The following GAS2L3 variants were observed in gnomAD, a reference collection of about 807,000 sequenced individuals.
GAS2L3 encodes the protein growth arrest specific 2 like 3, also known as GAS2-like protein 3.
A neutral mutation model predicts 37.0 loss-of-function variants in GAS2L3; 28 were observed. The ratio of observed to expected loss-of-function variants is 0.76; its 90% CI spans 0.56 to 1.04. The LOEUF is 1.04. GAS2L3 is among the 50% of genes least tolerant of loss of function. GAS2L3 has a pLI of 0.00. For synonymous variants in GAS2L3, 290 were observed against 296.6 expected (o/e 0.98, Z 0.23); for missense variants, 793 against 817.6 (o/e 0.97, Z 0.37).
At chr12:100,592,094 C>A (rs931175120) in intron 2 of GAS2L3, among the ~76,000 whole-genome samples, 2 of 151,986 alleles carry the variant, frequency 1.3e-5, no homozygotes, top group Non-Finnish European at 2.9e-5. Flanking sequence ...TATAATAACA[C>A]CTTTGTTCTT....
rs758286468 is a variant in GAS2L3 at position 100,624,269 on chromosome 12, C to T, written c.1464C>T (p.His488=). The T allele has an allele frequency of 8.1e-6, 13 of 1,614,054 alleles. No individual in the cohort carries two copies. Among genetic ancestry groups the T allele is most frequent in the South Asian group, 1.1e-5 (1 of 91,082 alleles). ...HISSRDNAVS[H]LAAHSNSSSK... The stretch of plus-strand genomic sequence containing the variant: ...CTTCCAGAGATAATGCAGTATCTCA[C>T]TTAGCTGCACATTCAAATTCATCCT... Residue 488 remains histidine (H), a synonymous_variant, in exon 10 of 10, where the codon CAC becomes CAT. Coordinates refer to ENST00000547754, the MANE Select transcript of GAS2L3 (RefSeq NM_174942.3).
chr12:100,607,616 A>ATCTTT (rs1565807621), intron 5 of GAS2L3, among the ~76,000 whole-genome samples: 1 of 151,302 alleles, frequency 6.6e-6, no homozygotes, highest in Non-Finnish European at 1.5e-5. Context: ...GTTGTTTTTT[A>ATCTTT]TCTTTTCTTT....
At chr12:100,616,553 A>T (rs11110438) in intron 6 of GAS2L3, among the ~76,000 whole-genome samples, 24,577 of 151,846 alleles carry the variant, frequency 0.16, 2,864 homozygotes, top group East Asian at 0.48. Context: ...CTCCTGCCTC[A>T]GCCTCTTGAG....
Position 100,612,316 on chromosome 12 carries a change from T to C in GAS2L3, c.445+175T>C, listed in dbSNP as rs567813471. The C allele has an allele frequency of 2.6e-5, 15 of 579,454 alleles. No individual in the cohort carries two copies. In the East Asian group the frequency reaches 4.3e-4, roughly 17 times the overall value. 35.9% of individuals were successfully genotyped at this position (579,454 alleles called of 1,614,324 possible). ...GGAGAATCAGATACTAAATCAAATA[T>C]ATTAACCTTTTCACTTAAAGATTTT... On this transcript the variant is annotated intron_variant, in intron 6 of 9. Transcript: ENST00000547754.
At chr12:100,606,763 T>C (rs1956062067) in intron 5 of GAS2L3, among the ~76,000 whole-genome samples, 1 of 152,132 alleles carries the variant, frequency 6.6e-6, no homozygotes, top group Non-Finnish European at 1.5e-5. Context: ...AGAAAACTAA[T>C]AAAAACTCTA....
chr12:100,621,154 C>G (rs961796151), intron 8 of GAS2L3, among the ~76,000 whole-genome samples: 1 of 152,040 alleles, frequency 6.6e-6, no homozygotes, highest in East Asian at 1.9e-4. Flanking sequence ...TTAGGCCTAT[C>G]TAAAGAGACT....
intron 6 of GAS2L3, 34 bp downstream of exon 6, chr12:100,612,175 G>C (rs775654902): frequency 3.2e-6 from 5 of 1,586,212 alleles, no homozygotes; most frequent in Non-Finnish European, 4.3e-6. Context: ...TGTTTTTAAT[G>C]CTTACTAGGA....
chr12:100,574,799 C>T (rs1188381333), intron 1 of GAS2L3, among the ~76,000 whole-genome samples: 1 of 152,168 alleles, frequency 6.6e-6, no homozygotes, highest in African/African-American at 2.4e-5. Flanking sequence ...GAAATTCTCA[C>T]CACCTCAGAT....
At chr12:100,601,880 C>T (rs1398551060) in intron 5 of GAS2L3, 127 bp downstream of exon 5, 6 of 460,916 alleles carry the variant, frequency 1.3e-5, no homozygotes, top group Non-Finnish European at 2.4e-5. Flanking sequence ...ATTTACTTAA[C>T]CCTTTTCAAG....
At chr12:100,576,524 G>A (rs1955639108) in intron 1 of GAS2L3, among the ~76,000 whole-genome samples, 1 of 152,152 alleles carries the variant, frequency 6.6e-6, no homozygotes, top group Non-Finnish European at 1.5e-5. Flanking sequence ...CAGATCTAAT[G>A]AGTCATGCAA....
intron 4 of GAS2L3, 152 bp downstream of exon 4, chr12:100,600,702 T>C (rs1439179959): frequency 3.0e-6 from 2 of 670,092 alleles, no homozygotes; most frequent in Non-Finnish European, 5.0e-6. Context: ...CCAGGTTACA[T>C]TTCAGCTGGG....
Position 100,623,569 on chromosome 12 carries a change from A to G in GAS2L3, c.764A>G (p.His255Arg). Residue 255 changes from histidine (H) to arginine (R), a missense_variant, in exon 10 of 10, where the codon CAT becomes CGT. Coordinates refer to ENST00000547754, the MANE Select transcript of GAS2L3 (RefSeq NM_174942.3). ...GDKILFIRML[H>R]GKHVMVRVGG... Reference sequence around the variant, plus strand: ...GTTTTCCTTTGGGGGCAGATGCTTCATGGAAAACATGTCATGGTTCGCGTT... The same window carrying G: ...GTTTTCCTTTGGGGGCAGATGCTTCGTGGAAAACATGTCATGGTTCGCGTT... 1.3e-6 allele frequency: 2 copies of G among 1,595,922 alleles called. No homozygotes were observed.
At chr12:100,612,317 A>T (rs1430389810) in intron 6 of GAS2L3, 176 bp downstream of exon 6, 24 of 579,578 alleles carry the variant, frequency 4.1e-5, no homozygotes, top group Non-Finnish European at 4.8e-5. Context: ...AATCAAATAT[A>T]TTAACCTTTT....
In GAS2L3 at chr12:100,623,900, C is replaced by A; in HGVS notation, c.1095C>A (p.Gly365=). Reference sequence around the variant, plus strand: ...CTTCACTGAAAGGAGGTAATCTGGGCTCTATGTCAGTCCGTTCTAAATTGC... The same window carrying A: ...CTTCACTGAAAGGAGGTAATCTGGGATCTATGTCAGTCCGTTCTAAATTGC... ...PASSLKGGNL[G]SMSVRSKLPN... The change falls in exon 10 of 10, where the codon GGC becomes GGA. Residue 365 remains glycine, a synonymous_variant. Coordinates refer to ENST00000547754, the MANE Select transcript of GAS2L3 (RefSeq NM_174942.3). 6.2e-7 allele frequency: 1 copy of A among 1,614,060 alleles called. No homozygotes were observed. The highest frequency in any genetic ancestry group is 1.3e-5 in the African/African-American group (1 of 75,030).
intron 8 of GAS2L3, among the ~76,000 whole-genome samples, chr12:100,618,998 A>G (rs1565812962): frequency 6.6e-6 from 1 of 152,124 alleles, no homozygotes; most frequent in Non-Finnish European, 1.5e-5. Context: ...CTTGAACTTG[A>G]GCAGCAGTAA....
At position 100,624,050 on chromosome 12, in the gene GAS2L3, C is replaced by T; in HGVS notation, c.1245C>T (p.Asn415=). ...SLASLNPVGK[N]TSSPALPRTA... ...CTTCATTAAATCCAGTAGGTAAAAA[C>T]ACTTCTTCACCAGCTTTACCAAGAA... Residue 415 remains asparagine (N), a synonymous_variant, in exon 10 of 10, where the codon AAC becomes AAT. Transcript: ENST00000547754. 6.2e-7 allele frequency: 1 copy of T among 1,613,994 alleles called. No homozygotes were observed. Among genetic ancestry groups the T allele is most frequent in the East Asian group, 2.2e-5 (1 of 44,868 alleles).
intron 1 of GAS2L3, among the ~76,000 whole-genome samples, chr12:100,575,877 AC>A (rs1955630592): frequency 6.6e-6 from 1 of 152,132 alleles, no homozygotes; most frequent in African/African-American, 2.4e-5. Context: ...TCTGTGTTAC[AC>A]ACCTTTATAT....
chr12:100,624,378 A>T lies in GAS2L3; in HGVS notation c.1573A>T (p.Ser525Cys). The change falls in exon 10 of 10, where the codon AGT becomes TGT. Residue 525 changes from serine to cysteine, a missense_variant. By Grantham distance (112) the Ser-to-Cys change is moderately radical. Transcript: ENST00000547754. ...FQSSAKMTKTSSKTIATGLGT... is the reference protein window; with the variant it reads ...FQSSAKMTKTCSKTIATGLGT... ...GTCCTCTGCAAAAATGACAAAAACC[A>T]GTTCCAAAACCATAGCCACGGGTCT... The T allele has an allele frequency of 6.2e-7, 1 of 1,614,058 alleles. No individual in the cohort carries two copies. The highest frequency in any genetic ancestry group is 8.5e-7 in the Non-Finnish European group (1 of 1,180,036).
intron 6 of GAS2L3, 142 bp downstream of exon 6, chr12:100,612,283 G>T: frequency 1.5e-6 from 1 of 669,874 alleles, no homozygotes. Context: ...AATATATGTA[G>T]AATTATTGGA....
Sources: allele counts gnomAD v4.1 joint callset (sites outside exome capture counted in the v4.1 genomes callset), GRCh38; gene constraint gnomAD v4.1.1; transcripts MANE v1.5; gene names NCBI Gene and HGNC (gene_info 2026-07-23, HGNC 2026-07-21).